ANKS1B: variants seen among roughly 807,000 people sequenced by gnomAD.
ANKS1B encodes the protein ankyrin repeat and sterile alpha motif domain-containing protein 1B.
A neutral mutation model predicts 148.3 loss-of-function variants in ANKS1B; 36 were observed. The ratio of observed to expected loss-of-function variants is 0.24; its 90% CI spans 0.19 to 0.32. ANKS1B has a LOEUF of 0.32. Among genes scored for constraint, ANKS1B ranks in the 10% least tolerant of loss-of-function variants. The pLI is 1.00. For missense variants in ANKS1B, 1,157 were observed against 1,542.6 expected (o/e 0.75, Z 4.19); for synonymous variants, 542 against 560.8 (o/e 0.97, Z 0.47).
At chr12:99,710,001 T>C (rs2153534551) in intron 8 of ANKS1B, among the ~76,000 whole-genome samples, 1 of 152,232 alleles carries the variant, frequency 6.6e-6, no homozygotes, top group South Asian at 2.1e-4. Flanking sequence ...CCTTATACCT[T>C]TAAATGAACA....
intron 9 of ANKS1B, among the ~76,000 whole-genome samples, chr12:99,551,775 T>C (rs114974178): frequency 0.014 from 2,110 of 152,258 alleles, 42 homozygotes; most frequent in African/African-American, 0.047. Flanking sequence ...AGTTCCCTAC[T>C]AGGTGTCACT....
chr12:99,280,343 G>A (rs1372879475), intron 12 of ANKS1B, among the ~76,000 whole-genome samples: 1 of 152,136 alleles, frequency 6.6e-6, no homozygotes, highest in Non-Finnish European at 1.5e-5. Flanking sequence ...TCTTCTCCTT[G>A]TCTTGCTGGA....
rs555281397 is a variant in ANKS1B at position 99,446,857 on chromosome 12, T to C, written c.1439-3048A>G. 6.6e-5 allele frequency among the ~76,000 whole-genome samples: 10 copies of C among 152,130 alleles called. No homozygotes were observed. In the South Asian group the frequency reaches 8.3e-4, roughly 13 times the overall value. The stretch of plus-strand genomic sequence containing the variant: ...TACTATATAGTATAATATTTAATAT[T>C]TGGAAGCTGGAAGATATGTTAAGAC... On this transcript the variant is annotated intron_variant, in intron 10 of 26. Coordinates refer to ENST00000683438, the MANE Select transcript of ANKS1B (RefSeq NM_001352186.2).
chr12:99,432,259 A>G (rs2095387776), intron 11 of ANKS1B, among the ~76,000 whole-genome samples: 1 of 152,190 alleles, frequency 6.6e-6, no homozygotes, highest in African/African-American at 2.4e-5. Context: ...GTGTTCCATT[A>G]TAGCGACACA....
chr12:99,769,897 G>A (rs965729176), intron 8 of ANKS1B, among the ~76,000 whole-genome samples: 1 of 152,048 alleles, frequency 6.6e-6, no homozygotes, highest in Non-Finnish European at 1.5e-5. Context: ...GTTTCTTCAG[G>A]CTGGAATCCT....
intron 12 of ANKS1B, among the ~76,000 whole-genome samples, chr12:99,320,341 G>A (rs1183768409): frequency 6.6e-6 from 1 of 152,178 alleles, no homozygotes; most frequent in Non-Finnish European, 1.5e-5. Context: ...ATCAGATGTA[G>A]ATTTGGTCTT....
At chr12:99,189,329 C>A (rs1377679824) in intron 14 of ANKS1B, among the ~76,000 whole-genome samples, 1 of 152,140 alleles carries the variant, frequency 6.6e-6, no homozygotes, top group Non-Finnish European at 1.5e-5. Context: ...GGGACTCCAC[C>A]CTAACTCATT....
At chr12:99,146,359 G>C (rs953164205) in intron 15 of ANKS1B, among the ~76,000 whole-genome samples, 1 of 152,148 alleles carries the variant, frequency 6.6e-6, no homozygotes, top group Non-Finnish European at 1.5e-5. Flanking sequence ...GGACAGTTAC[G>C]CCAGCCAGAC....
chr12:99,068,224 G>A (rs1225386016), intron 16 of ANKS1B, among the ~76,000 whole-genome samples: 1 of 152,056 alleles, frequency 6.6e-6, no homozygotes, highest in Non-Finnish European at 1.5e-5. Context: ...TGCAAATAAA[G>A]TTCTGTGTCA....
intron 9 of ANKS1B, among the ~76,000 whole-genome samples, chr12:99,585,084 C>T (rs1012286300): frequency 1.3e-5 from 2 of 152,140 alleles, no homozygotes; most frequent in African/African-American, 2.4e-5. Flanking sequence ...ACTCAAAAGT[C>T]CACAGTCCAA....
At chr12:99,076,097 G>A (rs968526787) in intron 16 of ANKS1B, among the ~76,000 whole-genome samples, 3 of 151,942 alleles carry the variant, frequency 2.0e-5, no homozygotes, top group Non-Finnish European at 2.9e-5. Context: ...TATATAGTAA[G>A]CACTCACAGT....
At chr12:98,791,201 C>T (rs560505269) in intron 22 of ANKS1B, among the ~76,000 whole-genome samples, 6 of 152,080 alleles carry the variant, frequency 3.9e-5, no homozygotes, top group South Asian at 2.1e-4. Flanking sequence ...AAAAATTAGC[C>T]GGACGTGGTG....
chr12:99,297,312 C>A (rs932556296), intron 12 of ANKS1B, among the ~76,000 whole-genome samples: 2 of 152,076 alleles, frequency 1.3e-5, no homozygotes, highest in Non-Finnish European at 2.9e-5. Flanking sequence ...TTTCTTGAGC[C>A]CTATCCATGT....
intron 10 of ANKS1B, among the ~76,000 whole-genome samples, chr12:99,485,999 T>C (rs1595721050): frequency 6.6e-6 from 1 of 152,184 alleles, no homozygotes; most frequent in African/African-American, 2.4e-5. Flanking sequence ...AGCTTAATAA[T>C]CAACCTTCTG....
intron 17 of ANKS1B, among the ~76,000 whole-genome samples, chr12:98,835,446 T>C (rs77038878): frequency 0.021 from 3,132 of 152,272 alleles, 59 homozygotes; most frequent in East Asian, 0.093. Flanking sequence ...GACTTGTTCA[T>C]TGTCATAAAG....
intron 25 of ANKS1B, among the ~76,000 whole-genome samples, chr12:98,767,328 G>A (rs924881049): frequency 1.1e-4 from 16 of 152,192 alleles, no homozygotes; most frequent in South Asian, 6.2e-4. Context: ...GTTTTCCTGC[G>A]TTTTGTCACT....
At chr12:99,206,449 G>A (rs201698498) in intron 14 of ANKS1B, among the ~76,000 whole-genome samples, 2 of 152,182 alleles carry the variant, frequency 1.3e-5, no homozygotes, top group East Asian at 1.9e-4. Context: ...GCCAAACCCA[G>A]ATGTGCAGAA....
intron 1 of ANKS1B, among the ~76,000 whole-genome samples, chr12:99,920,950 T>A (rs1463459173): frequency 6.6e-6 from 1 of 152,160 alleles, no homozygotes; most frequent in Non-Finnish European, 1.5e-5. Context: ...AAATAATGTT[T>A]TACCACTTAT....
intron 9 of ANKS1B, among the ~76,000 whole-genome samples, chr12:99,588,648 T>C (rs1479314914): frequency 2.0e-5 from 3 of 152,134 alleles, no homozygotes; most frequent in African/African-American, 7.2e-5. Flanking sequence ...TCAGCCAAAA[T>C]GGTTTTGAAT....
Sources: allele counts gnomAD v4.1 joint callset (sites outside exome capture counted in the v4.1 genomes callset), GRCh38; gene constraint gnomAD v4.1.1; transcripts MANE v1.5; gene names NCBI Gene and HGNC (gene_info 2026-07-23, HGNC 2026-07-21).